TENT4B: variants seen among roughly 807,000 people sequenced by gnomAD.
TENT4B encodes the protein terminal nucleotidyltransferase 4B.
In TENT4B, 10 loss-of-function variants were observed where a neutral mutation model predicts 75.0. The ratio of observed to expected loss-of-function variants is 0.13; its 90% CI spans 0.08 to 0.23. The LOEUF (loss-of-function observed/expected upper bound fraction) is 0.23. TENT4B is among the 10% of genes least tolerant of loss of function. TENT4B has a pLI of 1.00. For synonymous variants in TENT4B, 350 were observed against 357.7 expected (o/e 0.98, Z 0.24); for missense variants, 579 against 893.8 (o/e 0.65, Z 4.49).
Position 50,225,279 on chromosome 16 carries a change from T to C in TENT4B, c.1794T>C (p.Ser598=), listed in dbSNP as rs766030941. 11 of 1,609,114 alleles carry C rather than the reference T, an allele frequency of 6.8e-6. No homozygotes were observed. The highest frequency in any genetic ancestry group is 3.3e-4 in the Middle Eastern group (2 of 6,032). The change falls in exon 10 of 12, where the codon AGT becomes AGC. Residue 598 remains serine (S), a synonymous_variant. Transcript: ENST00000561678. ...SSSSATQSSS[S]DVDSDATPCK... Reference sequence around the variant, plus strand: ...CTTCTGCCACACAGTCCAGCTCTAGTGATGTAGTAAGTATGAAAGCCTCGG... The same window carrying C: ...CTTCTGCCACACAGTCCAGCTCTAGCGATGTAGTAAGTATGAAAGCCTCGG...
intron 1 of TENT4B, among the ~76,000 whole-genome samples, chr16:50,188,869 GT>G (rs2038586023): frequency 6.6e-6 from 1 of 152,072 alleles, no homozygotes; most frequent in Non-Finnish European, 1.5e-5. Context: ...GATACCTTGG[GT>G]TTTTAAAAAA....
chr16:50,183,400 A>G (rs934345419), intron 1 of TENT4B, among the ~76,000 whole-genome samples: 1 of 151,324 alleles, frequency 6.6e-6, no homozygotes, highest in African/African-American at 2.4e-5. Flanking sequence ...TGGTGTGTTC[A>G]TTGGAGTGTG....
chr16:50,223,476 TGAAG>T (rs955584236), intron 7 of TENT4B, 89 bp downstream of exon 7: 7 of 830,336 alleles, frequency 8.4e-6, no homozygotes, highest in Middle Eastern at 3.5e-4. Flanking sequence ...AGATGAAAAA[TGAAG>T]GAACAACTTC....
chr16:50,159,093 C>T (rs553826183), intron 1 of TENT4B, among the ~76,000 whole-genome samples: 87 of 152,266 alleles, frequency 5.7e-4, no homozygotes, highest in Non-Finnish European at 1.1e-3. Flanking sequence ...GGGCAGTATC[C>T]TCTTGTATGT....
At chr16:50,188,172 C>T (rs895165535) in intron 1 of TENT4B, among the ~76,000 whole-genome samples, 1 of 152,122 alleles carries the variant, frequency 6.6e-6, no homozygotes, top group Admixed American at 6.5e-5. Flanking sequence ...ATGTTTATTC[C>T]AGTTGCTCCT....
chr16:50,216,324 G>C, intron 4 of TENT4B, 129 bp downstream of exon 4: 1 of 1,238,474 alleles, frequency 8.1e-7, no homozygotes, highest in Non-Finnish European at 1.1e-6. Context: ...ATGTCACCGT[G>C]CTTGCACATA....
chr16:50,214,141 A>C, intron 2 of TENT4B, 80 bp from the exon 3 acceptor site: 1 of 1,147,400 alleles, frequency 8.7e-7, no homozygotes, highest in Non-Finnish European at 1.3e-6. Flanking sequence ...AAAAACTGAC[A>C]TTTCTCCATA....
chr16:50,177,820 GA>G (rs749750429), intron 1 of TENT4B, among the ~76,000 whole-genome samples: 2 of 152,000 alleles, frequency 1.3e-5, no homozygotes. Flanking sequence ...TGAAAACTGA[GA>G]TTATTGATTT....
chr16:50,163,615 G>A (rs1163035811), intron 1 of TENT4B, among the ~76,000 whole-genome samples: 2 of 150,932 alleles, frequency 1.3e-5, no homozygotes, highest in African/African-American at 4.9e-5. Flanking sequence ...TAGCCAGGAT[G>A]GTCTTGATCT....
Position 50,165,726 on chromosome 16 carries a change from G to T in TENT4B, c.638+11467G>T, listed in dbSNP as rs922352837. Among the ~76,000 whole-genome samples, 6 of 152,096 alleles carry T rather than the reference G, an allele frequency of 3.9e-5. No homozygotes were observed. The South Asian group carries it at 1.2e-3, about 32-fold the overall frequency. On this transcript the variant is annotated intron_variant, in intron 1 of 11. Transcript: ENST00000561678. Reference sequence around the variant, plus strand: ...CTTCTCAAACTTATCTGTTTCCAAAGGTTATCTGTGTCGTAGCATGTGTCA... The same window carrying T: ...CTTCTCAAACTTATCTGTTTCCAAATGTTATCTGTGTCGTAGCATGTGTCA...
intron 1 of TENT4B, among the ~76,000 whole-genome samples, chr16:50,183,699 G>A (rs1017752969): frequency 3.3e-5 from 5 of 152,076 alleles, no homozygotes; most frequent in African/African-American, 4.8e-5. Flanking sequence ...AGATTTAGCC[G>A]TTTCAGAAAT....
chr16:50,226,525 G>A (rs960992878), intron 10 of TENT4B, among the ~76,000 whole-genome samples: 2 of 151,854 alleles, frequency 1.3e-5, no homozygotes, highest in East Asian at 2.0e-4. Context: ...TCCGCCTCCC[G>A]GGTTCATGCC....
Position 50,153,599 on chromosome 16 carries a change from G to C in TENT4B, c.-23G>C. On this transcript the variant is annotated 5_prime_UTR_variant, in exon 1 of 12. Coordinates refer to ENST00000561678, the MANE Select transcript of TENT4B (RefSeq NM_001365324.3). The stretch of plus-strand genomic sequence containing the variant: ...GCCCTGCGGGCGGCCGGGAGGGGCG[G>C]GGGCAGCGGCCGCCGCCGTTTGATG... The C allele has an allele frequency of 1.0e-6, 1 of 1,000,192 alleles. No individual in the cohort carries two copies. The highest frequency in any genetic ancestry group is 1.2e-6 in the Non-Finnish European group (1 of 842,330). The allele number at this position is 1,000,192 out of a possible 1,614,324, so 62.0% of individuals were successfully genotyped here. A position where few individuals can be genotyped will look rare whatever the true frequency, so the allele number is the denominator to read the frequency against.
chr16:50,234,087 G>A lies in TENT4B; in HGVS notation c.*4759G>A, dbSNP rs570054758. On this transcript the variant is annotated 3_prime_UTR_variant, in exon 12 of 12. Coordinates refer to ENST00000561678, the MANE Select transcript of TENT4B (RefSeq NM_001365324.3). ...CCTAAGGACAGTCTGGACGTATTTT[G>A]GGGGAATGTTATTTATCTTAAAGAT... 5 of 985,306 alleles carry A rather than the reference G, an allele frequency of 5.1e-6. No homozygotes were observed. Among genetic ancestry groups the A allele is most frequent in the Non-Finnish European group, 6.0e-6 (5 of 829,936 alleles). 61.0% of individuals were successfully genotyped at this position (985,306 alleles called of 1,614,324 possible).
At chr16:50,198,778 C>A (rs2150719459) in intron 1 of TENT4B, among the ~76,000 whole-genome samples, 1 of 152,258 alleles carries the variant, frequency 6.6e-6, no homozygotes, top group East Asian at 1.9e-4. Context: ...CTGTCAACTA[C>A]TTATAGATTT....
chr16:50,196,820 C>T (rs2030290769), intron 1 of TENT4B, among the ~76,000 whole-genome samples: 1 of 151,678 alleles, frequency 6.6e-6, no homozygotes, highest in Non-Finnish European at 1.5e-5. Context: ...AGCTGTAGTC[C>T]CAGCTACAGT....
chr16:50,161,676 A>T (rs1288486844), intron 1 of TENT4B, among the ~76,000 whole-genome samples: 1 of 152,226 alleles, frequency 6.6e-6, no homozygotes, highest in Non-Finnish European at 1.5e-5. Context: ...TTACAGATTT[A>T]TAGGAAGTTG....
intron 10 of TENT4B, among the ~76,000 whole-genome samples, chr16:50,226,476 GGCTGGAGT>G (rs1305302389): frequency 2.6e-5 from 4 of 152,104 alleles, no homozygotes; most frequent in African/African-American, 9.7e-5. Flanking sequence ...CTGTCGCCCA[GGCTGGAGT>G]GCAGTGGCGC....
intron 1 of TENT4B, among the ~76,000 whole-genome samples, chr16:50,190,862 C>T (rs2150708701): frequency 6.6e-6 from 1 of 152,078 alleles, no homozygotes; most frequent in East Asian, 1.9e-4. Flanking sequence ...ATGAACTCTC[C>T]CTTCTCCCCT....
Sources: allele counts gnomAD v4.1 joint callset (sites outside exome capture counted in the v4.1 genomes callset), GRCh38; gene constraint gnomAD v4.1.1; transcripts MANE v1.5; gene names NCBI Gene and HGNC (gene_info 2026-07-23, HGNC 2026-07-21).